The following TRPC6 variants were observed in gnomAD, a reference collection of about 807,000 sequenced individuals.
TRPC6 encodes the protein short transient receptor potential channel 6.
Under a neutral mutation model 90.7 loss-of-function variants are expected in TRPC6, and 55 were observed. The observed-to-expected ratio is 0.61, with a 90% CI of 0.49 to 0.76. TRPC6 has a LOEUF of 0.76. Among genes scored for constraint, TRPC6 ranks in the 30% least tolerant of loss-of-function variants. TRPC6 has a pLI of 0.00. For synonymous variants in TRPC6, 393 were observed against 393.0 expected (o/e 1.00, Z 0.00); for missense variants, 989 against 1,122.7 (o/e 0.88, Z 1.70).
At chr11:101,475,889 CGT>C (rs1390296847) in intron 6 of TRPC6, among the ~76,000 whole-genome samples, 5 of 150,964 alleles carry the variant, frequency 3.3e-5, no homozygotes, top group Admixed American at 2.0e-4. Flanking sequence ...CATATATACA[CGT>C]GTGTGCATAT....
chr11:101,559,691 T>A (rs1047698580), intron 1 of TRPC6, among the ~76,000 whole-genome samples: 4 of 151,822 alleles, frequency 2.6e-5, no homozygotes, highest in Non-Finnish European at 5.9e-5. Flanking sequence ...CGTGCAGGTT[T>A]GTTACATATG....
chr11:101,581,515 C>T (rs971628656), intron 1 of TRPC6, among the ~76,000 whole-genome samples: 2 of 152,256 alleles, frequency 1.3e-5, no homozygotes, highest in African/African-American at 4.8e-5. Flanking sequence ...AGGTTTTGTT[C>T]ATGGAACAGT....
chr11:101,524,537 C>T (rs1421635645), intron 1 of TRPC6, among the ~76,000 whole-genome samples: 6 of 152,204 alleles, frequency 3.9e-5, no homozygotes, highest in Admixed American at 1.3e-4. Context: ...CCACTGTGCC[C>T]GGCCCAGGCC....
intron 10 of TRPC6, among the ~76,000 whole-genome samples, chr11:101,468,798 G>A (rs1859211637): frequency 1.3e-5 from 2 of 152,074 alleles, no homozygotes; most frequent in Admixed American, 1.3e-4. Context: ...ATTACTATGT[G>A]TAATTGGATG....
At chr11:101,548,486 CTCTCTCTG>C (rs200084992) in intron 1 of TRPC6, among the ~76,000 whole-genome samples, 33,717 of 107,826 alleles carry the variant, frequency 0.31, 4,303 homozygotes, top group East Asian at 0.62. Flanking sequence ...ATCTCTCTCT[CTCTCTCTG>C]TCTCTCACAG....
In TRPC6 at chr11:101,569,209, G is replaced by T. The variant is rs188732726; in HGVS notation, c.170+14125C>A. On this transcript the variant is annotated intron_variant, in intron 1 of 12. Coordinates refer to ENST00000344327, the MANE Select transcript of TRPC6 (RefSeq NM_004621.6). ...GAAAGCAAAAAAAAAAAAAGCAGGG[G>T]TTGCAGTCCTAGCCTCTGAAAAAAC... Among the ~76,000 whole-genome samples, 480 of 151,696 alleles carry T rather than the reference G, an allele frequency of 3.2e-3. 6 individuals are homozygous for T. The highest frequency in any genetic ancestry group is 0.011 in the African/African-American group (448 of 41,360).
At chr11:101,534,919 T>TG (rs1861001875) in intron 1 of TRPC6, among the ~76,000 whole-genome samples, 1 of 152,168 alleles carries the variant, frequency 6.6e-6, no homozygotes, top group South Asian at 2.1e-4. Flanking sequence ...TCCCAGAACT[T>TG]TGGGAGGCCC....
chr11:101,481,797 A>T (rs1859558842), intron 5 of TRPC6, among the ~76,000 whole-genome samples: 1 of 152,162 alleles, frequency 6.6e-6, no homozygotes, highest in Non-Finnish European at 1.5e-5. Flanking sequence ...CCTTTCTAAA[A>T]CATGATCAGA....
intron 1 of TRPC6, among the ~76,000 whole-genome samples, chr11:101,533,708 T>A (rs1281810320): frequency 1.3e-5 from 2 of 151,294 alleles, no homozygotes; most frequent in African/African-American, 2.4e-5. Context: ...TTGGCCGTTA[T>A]TTTTTTTTAA....
At chr11:101,581,968 A>G (rs79332914) in intron 1 of TRPC6, among the ~76,000 whole-genome samples, 7,264 of 152,274 alleles carry the variant, frequency 0.048, 230 homozygotes, top group Middle Eastern at 0.075. Flanking sequence ...CAAGTGTAAG[A>G]TTTCTTTGAG....
chr11:101,513,640 C>T (rs916981197), intron 1 of TRPC6, among the ~76,000 whole-genome samples: 1 of 152,100 alleles, frequency 6.6e-6, no homozygotes, highest in African/African-American at 2.4e-5. Context: ...CAGTTCACGC[C>T]TTTCTGAGCT....
At chr11:101,571,497 T>C (rs1861963558) in intron 1 of TRPC6, among the ~76,000 whole-genome samples, 1 of 152,222 alleles carries the variant, frequency 6.6e-6, no homozygotes, top group African/African-American at 2.4e-5. Context: ...ATTGACTTTC[T>C]TCACAGAATT....
chr11:101,512,750 T>C (rs1045542552), intron 1 of TRPC6, among the ~76,000 whole-genome samples: 6 of 152,134 alleles, frequency 3.9e-5, no homozygotes, highest in African/African-American at 1.4e-4. Flanking sequence ...TAGAGTACTC[T>C]TGGGAATATT....
At chr11:101,474,488 A>G (rs75583297) in intron 6 of TRPC6, among the ~76,000 whole-genome samples, 2,101 of 152,246 alleles carry the variant, frequency 0.014, 36 homozygotes, top group African/African-American at 0.048. Flanking sequence ...ACAAATTTGT[A>G]TTTGCTTATT....
Position 101,510,408 on chromosome 11 carries a change from T to C in TRPC6, c.171-5610A>G, listed in dbSNP as rs189736440. 1.0e-3 allele frequency among the ~76,000 whole-genome samples: 156 copies of C among 152,280 alleles called. 1 individual carries two copies. The highest frequency in any genetic ancestry group is 3.7e-3 in the African/African-American group (153 of 41,538). ...AGGAACAACTCAGCCCATAGCTCCA[T>C]AGCACTACTTCAACAAAAGACATTT... On this transcript the variant is annotated intron_variant, in intron 1 of 12. Coordinates refer to ENST00000344327, the MANE Select transcript of TRPC6 (RefSeq NM_004621.6).
rs1860201239 is a variant in TRPC6, at chr11:101,504,309, C to G, written c.660G>C (p.Val220=). 3 of 1,613,334 alleles carry G rather than the reference C, an allele frequency of 1.9e-6. No individual in the cohort carries two copies. Among genetic ancestry groups the G allele is most frequent in the East Asian group, 4.5e-5 (2 of 44,862 alleles). The change falls in exon 2 of 13, where the codon GTG becomes GTC. Residue 220 remains valine, a synonymous_variant. Coordinates refer to ENST00000344327, the MANE Select transcript of TRPC6 (RefSeq NM_004621.6). ...AGTGGGCAGCCAGAATGATTGGAGT[C>G]ACATCATGGGAGAACCGTGTCCCAT... The part of the protein sequence containing the change: ...DEDGTRFSHD[V]TPIILAAHCQ...
chr11:101,461,767 T>TA (rs1053889561), intron 10 of TRPC6, among the ~76,000 whole-genome samples: 2 of 152,140 alleles, frequency 1.3e-5, no homozygotes, highest in African/African-American at 4.8e-5. Context: ...AGAGTTAAAC[T>TA]AAGACATGGG....
intron 8 of TRPC6, 106 bp downstream of exon 8, chr11:101,472,031 A>T: frequency 8.3e-7 from 1 of 1,198,100 alleles, no homozygotes; most frequent in Non-Finnish European, 1.2e-6. Flanking sequence ...ACAGGGAATG[A>T]ACAAAGGGCG....
At chr11:101,474,430 A>T (rs955540904) in intron 6 of TRPC6, among the ~76,000 whole-genome samples, 2 of 152,172 alleles carry the variant, frequency 1.3e-5, no homozygotes, top group Admixed American at 1.3e-4. Flanking sequence ...AGAAACCATT[A>T]TGAAGAAAAA....
Sources: gnomAD v4.1 joint callset for allele counts (sites outside exome capture counted in the v4.1 genomes callset) on GRCh38, gnomAD v4.1.1 for gene constraint, MANE v1.5 for transcripts, NCBI Gene and HGNC (gene_info 2026-07-23, HGNC 2026-07-21) for gene names.